Variants in DSCAML1 observed in about 807,000 individuals in gnomAD.
DSCAML1 encodes the protein DS cell adhesion molecule like 1.
Under a neutral mutation model 200.5 loss-of-function variants are expected in DSCAML1, and 38 were observed. The observed-to-expected ratio is 0.19, with a 90% CI of 0.15 to 0.25. DSCAML1 has a LOEUF of 0.25. DSCAML1 is among the 10% of genes least tolerant of loss of function. The pLI is 1.00. For synonymous variants in DSCAML1, 1,215 were observed against 1,165.0 expected (o/e 1.04, Z -0.87); for missense variants, 2,223 against 2,858.8 (o/e 0.78, Z 5.07).
intron 3 of DSCAML1, among the ~76,000 whole-genome samples, chr11:117,655,749 A>T (rs1434663207): frequency 6.6e-6 from 1 of 152,172 alleles, no homozygotes; most frequent in Non-Finnish European, 1.5e-5. Flanking sequence ...GTTTAATCTC[A>T]GGATGGAGAT....
At chr11:117,609,013 A>G (rs1418314190) in intron 3 of DSCAML1, among the ~76,000 whole-genome samples, 1 of 114,984 alleles carries the variant, frequency 8.7e-6, no homozygotes, top group Admixed American at 8.5e-5. Flanking sequence ...CAAACAAACA[A>G]ACAAACAAAC....
Position 117,504,100 on chromosome 11 carries a change from C to T in DSCAML1, c.2183-79G>A, listed in dbSNP as rs1168093764. 6.6e-7 allele frequency: 1 copy of T among 1,518,182 alleles called. No homozygotes were observed. Among genetic ancestry groups the T allele is most frequent in the African/African-American group, 1.4e-5 (1 of 72,984 alleles). 94.0% of individuals were successfully genotyped at this position (1,518,182 alleles called of 1,614,324 possible). ...GAGTGCCCCAGGAGTGGCCCTGACA[C>T]CTCGCTCTTGCAGATCTAGGGCCAT... On this transcript the variant is annotated intron_variant, in intron 10 of 32. Transcript: ENST00000651296. This position sits in a 1 kb window ranked among gnomAD's most constrained non-coding sequence, Gnocchi z 5.0.
At chr11:117,678,661 A>G (rs1159932127) in intron 3 of DSCAML1, among the ~76,000 whole-genome samples, 1 of 152,228 alleles carries the variant, frequency 6.6e-6, no homozygotes, top group East Asian at 1.9e-4. Context: ...ACCTAGTGGA[A>G]GAACACTCCA....
At position 117,643,665 on chromosome 11, in the gene DSCAML1, G is replaced by A. The variant is rs924200724; in HGVS notation, c.512-111143C>T. On this transcript the variant is annotated intron_variant, in intron 3 of 32. Coordinates refer to ENST00000651296, the MANE Select transcript of DSCAML1 (RefSeq NM_020693.4). ...ACTCTGAGCCTCACGCACCAGCCCA[G>A]ACCCTCATCTCCTGCAGGGGAGGAG... 4.6e-5 allele frequency among the ~76,000 whole-genome samples: 7 copies of A among 152,074 alleles called. No homozygotes were observed. The East Asian group carries it at 1.4e-3, about 29-fold the overall frequency.
intron 3 of DSCAML1, among the ~76,000 whole-genome samples, chr11:117,554,346 C>T (rs1183139268): frequency 6.6e-6 from 1 of 152,052 alleles, no homozygotes; most frequent in African/African-American, 2.4e-5. Flanking sequence ...AGACAGATAC[C>T]ATGGACAAAA....
chr11:117,794,032 G>GC (rs11301503), intron 1 of DSCAML1, among the ~76,000 whole-genome samples: 1,874 of 142,592 alleles, frequency 0.013, 23 homozygotes, highest in South Asian at 0.02. Flanking sequence ...TTTCCCCATT[G>GC]CCCCCCCCCC....
At position 117,481,211 on chromosome 11, in the gene DSCAML1, A is replaced by G; in HGVS notation, c.2619T>C (p.Tyr873=). 1.2e-6 allele frequency: 2 copies of G among 1,613,940 alleles called. No homozygotes were observed. The highest frequency in any genetic ancestry group is 1.7e-6 in the Non-Finnish European group (2 of 1,179,982). The change falls in exon 13 of 33, where the codon TAT becomes TAC. Residue 873 remains tyrosine, a synonymous_variant. Transcript: ENST00000651296. Reference sequence around the variant, plus strand: ...GTTGGATCAAGCCCCGGTCCTCCCCATACGAGTTGATGGCATGGCAGCTGA... The same window carrying G: ...GTTGGATCAAGCCCCGGTCCTCCCCGTACGAGTTGATGGCATGGCAGCTGA... ...VFFSCHAINS[Y]GEDRGLIQLT... is the part of the protein sequence containing the mutation.
At chr11:117,581,141 T>A (rs2137460553) in intron 3 of DSCAML1, among the ~76,000 whole-genome samples, 1 of 152,330 alleles carries the variant, frequency 6.6e-6, no homozygotes, top group South Asian at 2.1e-4. Flanking sequence ...TTTGCCCCTG[T>A]GAAAAATTGC....
chr11:117,479,555 A>G (rs1390207469), intron 14 of DSCAML1, among the ~76,000 whole-genome samples: 1 of 152,118 alleles, frequency 6.6e-6, no homozygotes, highest in Non-Finnish European at 1.5e-5. Context: ...GTCTCCCCAG[A>G]TGCGGGGTGC....
chr11:117,718,085 G>A (rs566135729), intron 3 of DSCAML1, among the ~76,000 whole-genome samples: 26 of 152,292 alleles, frequency 1.7e-4, no homozygotes, highest in Non-Finnish European at 3.2e-4. Context: ...ATATTTTAAC[G>A]GCTGCACGTC....
At chr11:117,806,983 T>C (rs1343820323) in intron 1 of DSCAML1, among the ~76,000 whole-genome samples, 8 of 152,240 alleles carry the variant, frequency 5.3e-5, no homozygotes, top group Admixed American at 3.9e-4. Context: ...GATCATTTTG[T>C]GTGCATCTCT....
At chr11:117,554,165 G>A (rs1399461686) in intron 3 of DSCAML1, among the ~76,000 whole-genome samples, 6 of 152,128 alleles carry the variant, frequency 3.9e-5, no homozygotes, top group African/African-American at 1.4e-4. Context: ...GGGGAATGGG[G>A]AGCTATTGCT....
At chr11:117,735,175 A>C (rs2054295248) in intron 3 of DSCAML1, among the ~76,000 whole-genome samples, 1 of 152,140 alleles carries the variant, frequency 6.6e-6, no homozygotes, top group South Asian at 2.1e-4. Flanking sequence ...AGCTGGCCCC[A>C]AGTCCCCACT....
At chr11:117,486,399 C>T (rs553101103) in intron 11 of DSCAML1, among the ~76,000 whole-genome samples, 6 of 150,776 alleles carry the variant, frequency 4.0e-5, no homozygotes, top group East Asian at 1.9e-4. Flanking sequence ...GTGAAAGTGG[C>T]GGATGGGAAA....
At chr11:117,596,400 A>AG (rs58321245) in intron 3 of DSCAML1, among the ~76,000 whole-genome samples, 28 of 151,486 alleles carry the variant, frequency 1.8e-4, no homozygotes, top group Admixed American at 3.3e-4. Context: ...AAAAAAAAAA[A>AG]AAATCTCAGT....
In DSCAML1 at chr11:117,559,813, G is replaced by A. The variant is rs540031669; in HGVS notation, c.512-27291C>T. On this transcript the variant is annotated intron_variant, in intron 3 of 32. Transcript: ENST00000651296. ...ACAGAGAGACCCTCGCCCAGGGCAC[G>A]GAAGCCACAGCAGGGCTCACCACTC... Among the ~76,000 whole-genome samples, 81 of 152,250 alleles carry A rather than the reference G, an allele frequency of 5.3e-4. No individual in the cohort carries two copies. The East Asian group carries it at 5.8e-3, about 11-fold the overall frequency.
intron 27 of DSCAML1, among the ~76,000 whole-genome samples, chr11:117,434,242 A>T (rs2047861223): frequency 6.6e-6 from 1 of 151,878 alleles, no homozygotes; most frequent in South Asian, 2.1e-4. Flanking sequence ...CTACCATCCA[A>T]TTATCCATTC....
chr11:117,804,685 C>T (rs1202095426), intron 1 of DSCAML1, among the ~76,000 whole-genome samples: 1 of 152,208 alleles, frequency 6.6e-6, no homozygotes, highest in Non-Finnish European at 1.5e-5. Flanking sequence ...AATCCCAGCA[C>T]TTCGAGAGGC....
At chr11:117,812,414 T>G (rs2055768849) in intron 1 of DSCAML1, among the ~76,000 whole-genome samples, 1 of 152,154 alleles carries the variant, frequency 6.6e-6, no homozygotes, top group Non-Finnish European at 1.5e-5. Context: ...GATCTATGCC[T>G]TATCAACCAA....
Sources: allele counts gnomAD v4.1 joint callset (sites outside exome capture counted in the v4.1 genomes callset), GRCh38; gene constraint gnomAD v4.1.1; non-coding constraint Gnocchi (gnomAD v3.1); transcripts MANE v1.5; gene names NCBI Gene and HGNC (gene_info 2026-07-23, HGNC 2026-07-21).